Variants in APP observed in about 807,000 individuals in gnomAD.
APP encodes the protein amyloid-beta precursor protein.
In APP, 31 loss-of-function variants were observed where a neutral mutation model predicts 101.4. The observed-to-expected ratio is 0.31, with a 90% CI of 0.23 to 0.41. APP has a LOEUF of 0.41. Ranked by LOEUF, APP falls within the 10% of genes least tolerant of loss-of-function variation. The pLI is 1.00. For synonymous variants in APP, 366 were observed against 364.4 expected (o/e 1.00, Z -0.05); for missense variants, 839 against 1,003.7 (o/e 0.84, Z 2.22).
rs188506600 is a variant in APP, at chr21:26,005,220, C to T, written c.866-5038G>A. The stretch of plus-strand genomic sequence containing the variant: ...CCTGAGGTCAGGAGTTCAAGACCAA[C>T]GTAGTCAACATGGCGAAACCCTGTC... On this transcript the variant is annotated intron_variant, in intron 6 of 17. Transcript: ENST00000346798. Among the ~76,000 whole-genome samples the T allele has an allele frequency of 3.1e-3, 471 of 152,174 alleles. 2 individuals are homozygous for T. Among genetic ancestry groups the T allele is most frequent in the African/African-American group, 0.011 (442 of 41,506 alleles).
chr21:25,918,032 A>T (rs117381021), intron 13 of APP, among the ~76,000 whole-genome samples: 3,365 of 152,324 alleles, frequency 0.022, 64 homozygotes, highest in South Asian at 0.041. Flanking sequence ...TCTGGCAACA[A>T]CAGATGCTGG....
At chr21:25,984,619 C>G (rs1244069765) in intron 8 of APP, among the ~76,000 whole-genome samples, 1 of 152,126 alleles carries the variant, frequency 6.6e-6, no homozygotes, top group African/African-American at 2.4e-5. Flanking sequence ...CTGACTTTAA[C>G]TTAATGATTA....
chr21:25,928,808 C>G (rs1462291519), intron 13 of APP: 1 of 137,602 alleles, frequency 7.3e-6, no homozygotes, highest in Non-Finnish European at 1.5e-5. Context: ...GGTTGGACTG[C>G]AGAGGCGTAA....
chr21:26,118,157 G>A (rs960870664), intron 1 of APP, among the ~76,000 whole-genome samples: 4 of 152,158 alleles, frequency 2.6e-5, no homozygotes, highest in African/African-American at 9.7e-5. Flanking sequence ...CTTGCTGCTG[G>A]TGCCCAGTAG....
intron 16 of APP, among the ~76,000 whole-genome samples, chr21:25,896,051 T>C (rs1339976758): frequency 6.6e-6 from 1 of 152,138 alleles, no homozygotes; most frequent in Non-Finnish European, 1.5e-5. Flanking sequence ...CAAATGCAAA[T>C]CTGTACATTA....
In APP at chr21:25,896,608, T is replaced by TATC. The variant is rs563769035; in HGVS notation, c.2064+962_2064+964dup. Among the ~76,000 whole-genome samples the TATC allele has an allele frequency of 8.9e-4, 135 of 152,354 alleles. 1 individual carries two copies. Among genetic ancestry groups the TATC allele is most frequent in the Middle Eastern group, 3.4e-3 (1 of 294 alleles). ...CCCTAACATAATCCACGATTTGATT[T>TATC]ATCTCCATTTCTAAGCTTTTGGTAA... On this transcript the variant is annotated intron_variant, in intron 16 of 17. Coordinates refer to ENST00000346798, the MANE Select transcript of APP (RefSeq NM_000484.4).
intron 8 of APP, among the ~76,000 whole-genome samples, chr21:25,990,930 T>A (rs1301220101): frequency 1.3e-5 from 2 of 152,082 alleles, no homozygotes; most frequent in African/African-American, 4.8e-5. Flanking sequence ...TAAGTGCCCA[T>A]CAACCAATGA....
At chr21:26,099,700 T>C (rs923250393) in intron 2 of APP, among the ~76,000 whole-genome samples, 10 of 152,244 alleles carry the variant, frequency 6.6e-5, no homozygotes, top group Non-Finnish European at 1.5e-5. Context: ...TGAGGAATAC[T>C]GAAAATACAA....
chr21:26,122,120 A>G (rs1427152648), intron 1 of APP, among the ~76,000 whole-genome samples: 1 of 152,190 alleles, frequency 6.6e-6, no homozygotes, highest in African/African-American at 2.4e-5. Flanking sequence ...CAGCCCAGAA[A>G]TTTATCCCAA....
rs187929108 is a variant in APP, at chr21:25,895,560, G to C, written c.2064+2013C>G. Among the ~76,000 whole-genome samples the C allele has an allele frequency of 7.9e-5, 12 of 152,234 alleles. No individual in the cohort carries two copies. The East Asian group carries it at 2.3e-3, about 29-fold the overall frequency. Reference sequence around the variant, plus strand: ...TGGTGTTCTGAAATTTCCAAGGTATGCCTGTACCTCCCTAAAAAATTCTTT... The same window carrying C: ...TGGTGTTCTGAAATTTCCAAGGTATCCCTGTACCTCCCTAAAAAATTCTTT... On this transcript the variant is annotated intron_variant, in intron 16 of 17. Transcript: ENST00000346798.
At chr21:25,950,370 T>A (rs1342512988) in intron 13 of APP, among the ~76,000 whole-genome samples, 1 of 143,938 alleles carries the variant, frequency 6.9e-6, no homozygotes, top group Non-Finnish European at 1.5e-5. Flanking sequence ...CACAAGCAGC[T>A]TTTTTTTTTT....
chr21:26,144,768 T>C (rs2146321136), intron 1 of APP, among the ~76,000 whole-genome samples: 1 of 152,310 alleles, frequency 6.6e-6, no homozygotes, highest in East Asian at 1.9e-4. Context: ...AAAGATAGCA[T>C]TAATGTCAAC....
chr21:25,904,927 G>A, intron 15 of APP, 97 bp downstream of exon 15: 1 of 1,074,054 alleles, frequency 9.3e-7, no homozygotes, highest in Non-Finnish European at 1.4e-6. Flanking sequence ...TCTGCAGTAA[G>A]TACAATTGAG....
intron 3 of APP, among the ~76,000 whole-genome samples, chr21:26,060,616 A>G (rs1458397091): frequency 6.6e-6 from 1 of 152,210 alleles, no homozygotes; most frequent in Non-Finnish European, 1.5e-5. Context: ...TAAAGCAGAG[A>G]AAGGGGTGGT....
chr21:26,150,610 T>C (rs1037171258), intron 1 of APP, among the ~76,000 whole-genome samples: 1 of 150,394 alleles, frequency 6.6e-6, no homozygotes, highest in Non-Finnish European at 1.5e-5. Context: ...GATAGACAGA[T>C]AGATAGACAG....
intron 14 of APP, among the ~76,000 whole-genome samples, chr21:25,905,309 C>G (rs533344954): frequency 2.1e-4 from 32 of 152,278 alleles, no homozygotes; most frequent in African/African-American, 7.7e-4. Flanking sequence ...CCTTAGTTTT[C>G]TAATAAAAGC....
intron 1 of APP, among the ~76,000 whole-genome samples, chr21:26,129,286 G>T (rs2035952342): frequency 6.6e-6 from 1 of 151,892 alleles, no homozygotes. Flanking sequence ...GCCTGGCCAA[G>T]ATGGTGAAAC....
chr21:25,983,382 T>C lies in APP; in HGVS notation c.1091-905A>G, dbSNP rs45504993. ...TTTTGAGATCAAATCAATTGTTTCATTCAAAAGGTTATTCAAATATCACCA... is the reference window on the plus strand; with the variant it reads ...TTTTGAGATCAAATCAATTGTTTCACTCAAAAGGTTATTCAAATATCACCA... On this transcript the variant is annotated intron_variant, in intron 8 of 17. Transcript: ENST00000346798. Among the ~76,000 whole-genome samples, 798 of 152,344 alleles carry C rather than the reference T, an allele frequency of 5.2e-3. 8 individuals are homozygous for C. The highest frequency in any genetic ancestry group is 0.019 in the African/African-American group (771 of 41,592).
intron 3 of APP, among the ~76,000 whole-genome samples, chr21:26,075,707 T>A (rs1456390802): frequency 6.6e-6 from 1 of 152,210 alleles, no homozygotes; most frequent in African/African-American, 2.4e-5. Context: ...TGTACAGATA[T>A]TTTTCTGGAC....
Sources: gnomAD v4.1 joint callset for allele counts (sites outside exome capture counted in the v4.1 genomes callset) on GRCh38, gnomAD v4.1.1 for gene constraint, MANE v1.5 for transcripts, NCBI Gene and HGNC (gene_info 2026-07-23, HGNC 2026-07-21) for gene names.